The following CPEB1 variants were observed in gnomAD, a reference collection of about 807,000 sequenced individuals.
The protein encoded by CPEB1 is cytoplasmic polyadenylation element binding protein 1.
A neutral mutation model predicts 65.8 loss-of-function variants in CPEB1; 7 were observed. The observed-to-expected ratio is 0.11, with a 90% CI of 0.06 to 0.20. The LOEUF (loss-of-function observed/expected upper bound fraction) is 0.20. Ranked by LOEUF, CPEB1 falls within the 10% of genes least tolerant of loss-of-function variation. The probability of loss-of-function intolerance (pLI) is 1.00; values close to 1 mark genes in which losing one functional copy is unlikely to be tolerated. For synonymous variants in CPEB1, 262 were observed against 260.0 expected (o/e 1.01, Z -0.08); for missense variants, 551 against 712.2 (o/e 0.77, Z 2.58).
chr15:82,614,947 C>G (rs2151267392), intron 3 of CPEB1, among the ~76,000 whole-genome samples: 1 of 152,154 alleles, frequency 6.6e-6, no homozygotes, highest in East Asian at 1.9e-4. Context: ...CTATCACAAT[C>G]ACTATCACCA....
At chr15:82,549,701 CAG>C (rs1036154646) in intron 9 of CPEB1, 43 bp from the exon 10 acceptor site, 6 of 1,587,764 alleles carry the variant, frequency 3.8e-6, no homozygotes, top group African/African-American at 1.3e-5. Flanking sequence ...CAGAGAGCCA[CAG>C]AGAGAGAGGT....
chr15:82,627,006 T>C (rs906054265), intron 3 of CPEB1, among the ~76,000 whole-genome samples, 187 bp downstream of exon 3: 1 of 152,192 alleles, frequency 6.6e-6, no homozygotes, highest in South Asian at 2.1e-4. Context: ...GGTTTACACA[T>C]CCTAATCAAA....
At chr15:82,631,446 C>T (rs2046237606) in intron 1 of CPEB1, among the ~76,000 whole-genome samples, 1 of 151,932 alleles carries the variant, frequency 6.6e-6, no homozygotes, top group South Asian at 2.1e-4. Flanking sequence ...AAAGCCAGGA[C>T]TGTCAGATGG....
At chr15:82,648,539 C>T (rs369923642), upstream of CPEB1, 4 of 152,338 alleles carry the variant, frequency 2.6e-5, no homozygotes, top group East Asian at 3.9e-4. Context: ...CCGGAGTTCT[C>T]CGGAGAAACC....
chr15:82,580,652 T>G (rs1193766683), intron 3 of CPEB1, among the ~76,000 whole-genome samples: 1 of 152,198 alleles, frequency 6.6e-6, no homozygotes, highest in Non-Finnish European at 1.5e-5. Context: ...GCTAAAATTT[T>G]GTACCATTAG....
intron 1 of CPEB1, chr15:82,629,713 C>A: frequency 1.0e-6 from 1 of 985,262 alleles, no homozygotes; most frequent in African/African-American, 1.7e-5. Flanking sequence ...AAAAACAGAC[C>A]AAGTAATGAA....
At position 82,623,671 on chromosome 15, in the gene CPEB1, G is replaced by A. The variant is rs1032159814; in HGVS notation, c.271+3522C>T. On this transcript the variant is annotated intron_variant, in intron 3 of 12. Coordinates refer to ENST00000684509, the MANE Select transcript of CPEB1 (RefSeq NM_001365242.1). ...AGCCTGGACAACAGAGCGGGACTCC[G>A]TCTCAGGAAAAAAAAATTACCCATA... Among the ~76,000 whole-genome samples, 7 of 151,976 alleles carry A rather than the reference G, an allele frequency of 4.6e-5. No homozygotes were observed. The South Asian group carries it at 8.3e-4, about 18-fold the overall frequency.
At chr15:82,625,685 G>A (rs7167880) in intron 3 of CPEB1, among the ~76,000 whole-genome samples, 67,068 of 151,992 alleles carry the variant, frequency 0.44, 14,840 homozygotes, top group South Asian at 0.5. Flanking sequence ...ACATCTGCAT[G>A]TAAGTGGACC....
chr15:82,596,073 C>A (rs1353351191), intron 3 of CPEB1, among the ~76,000 whole-genome samples: 2 of 152,150 alleles, frequency 1.3e-5, no homozygotes, highest in South Asian at 4.1e-4. Context: ...AAATTTATAG[C>A]AGAGGGCAGA....
At chr15:82,553,024 A>C (rs1386626272) in intron 8 of CPEB1, among the ~76,000 whole-genome samples, 2 of 152,354 alleles carry the variant, frequency 1.3e-5, no homozygotes, top group Admixed American at 1.3e-4. Flanking sequence ...TCCTTTCTAC[A>C]GGGAAGGGAT....
At chr15:82,613,097 G>T (rs2044338549) in intron 3 of CPEB1, among the ~76,000 whole-genome samples, 1 of 151,476 alleles carries the variant, frequency 6.6e-6, no homozygotes, top group South Asian at 2.1e-4. Context: ...CTGACACCAG[G>T]GATATTTTAA....
chr15:82,566,688 C>G (rs1199737080), intron 4 of CPEB1, among the ~76,000 whole-genome samples: 1 of 151,938 alleles, frequency 6.6e-6, no homozygotes, highest in African/African-American at 2.4e-5. Flanking sequence ...AAGGTCAGCA[C>G]ACATCCTGCC....
intron 1 of CPEB1, among the ~76,000 whole-genome samples, chr15:82,632,913 C>T (rs2046380127): frequency 6.6e-6 from 1 of 152,210 alleles, no homozygotes; most frequent in Non-Finnish European, 1.5e-5. Flanking sequence ...ACCCCATACT[C>T]ACAGACCCAT....
intron 11 of CPEB1, among the ~76,000 whole-genome samples, 178 bp from the exon 12 acceptor site, chr15:82,546,699 TTC>T (rs1282172295): frequency 1.3e-5 from 2 of 151,552 alleles, no homozygotes; most frequent in African/African-American, 4.9e-5. Flanking sequence ...CAGAAAGGAG[TTC>T]TAGAGGACAG....
intron 3 of CPEB1, among the ~76,000 whole-genome samples, chr15:82,576,199 A>T (rs1046251558): frequency 8.5e-5 from 13 of 152,248 alleles, no homozygotes; most frequent in African/African-American, 3.1e-4. Flanking sequence ...GCCGTACATA[A>T]GTTACATATG....
intron 3 of CPEB1, among the ~76,000 whole-genome samples, chr15:82,594,548 C>CA (rs1031377286): frequency 2.4e-4 from 37 of 152,264 alleles, no homozygotes; most frequent in African/African-American, 8.7e-4. Flanking sequence ...CTCGACTACT[C>CA]AAACTTTCCC....
At chr15:82,584,087 G>C (rs1324951442) in intron 3 of CPEB1, among the ~76,000 whole-genome samples, 2 of 151,454 alleles carry the variant, frequency 1.3e-5, no homozygotes, top group African/African-American at 4.9e-5. Flanking sequence ...GTGAAACCCA[G>C]TCTCTATTAA....
intron 4 of CPEB1, among the ~76,000 whole-genome samples, chr15:82,563,955 G>C (rs1015120448): frequency 3.3e-5 from 5 of 152,018 alleles, no homozygotes; most frequent in Admixed American, 2.6e-4. Context: ...GATCCCAGAG[G>C]ATAAGACAGT....
intron 3 of CPEB1, among the ~76,000 whole-genome samples, chr15:82,597,372 C>T (rs2042747043): frequency 6.6e-6 from 1 of 152,174 alleles, no homozygotes; most frequent in Non-Finnish European, 1.5e-5. Flanking sequence ...GTTGGATTTA[C>T]ATCCAAAGGA....
Sources: gnomAD v4.1 joint callset for allele counts (sites outside exome capture counted in the v4.1 genomes callset) on GRCh38, gnomAD v4.1.1 for gene constraint, MANE v1.5 for transcripts, NCBI Gene and HGNC (gene_info 2026-07-23, HGNC 2026-07-21) for gene names.